GUK1: variants seen among roughly 807,000 people sequenced by gnomAD.
The protein encoded by GUK1 is guanylate kinase.
Under a neutral mutation model 25.2 loss-of-function variants are expected in GUK1, and 18 were observed. The observed-to-expected ratio is 0.71, with a 90% confidence interval of 0.49 to 1.06. The LOEUF is 1.06. Ranked by LOEUF, GUK1 falls within the 50% of genes least tolerant of loss-of-function variation. GUK1 has a pLI of 0.00. For synonymous variants in GUK1, 105 were observed against 117.6 expected (o/e 0.89, Z 0.69); for missense variants, 261 against 276.7 (o/e 0.94, Z 0.40).
At chr1:228,143,339 C>A (rs2313602) in intron 2 of GUK1, among the ~76,000 whole-genome samples, 83,987 of 151,998 alleles carry the variant, frequency 0.55, 23,652 homozygotes, top group South Asian at 0.68. Flanking sequence ...TGGGGTCCAG[C>A]CCACAGGACC....
At chr1:228,143,294 G>T (rs975795043) in intron 2 of GUK1, among the ~76,000 whole-genome samples, 2 of 152,202 alleles carry the variant, frequency 1.3e-5, no homozygotes, top group Non-Finnish European at 2.9e-5. Context: ...CTTAAGAAGG[G>T]CCAGCTCAGT....
At chr1:228,141,644 G>A (rs775455304) in intron 2 of GUK1, 1 of 1,206,168 alleles carries the variant, frequency 8.3e-7, no homozygotes, top group South Asian at 1.5e-5. Context: ...ATGGCTGGAA[G>A]CCAGAAGGAG....
intron 2 of GUK1, among the ~76,000 whole-genome samples, chr1:228,142,559 G>A (rs2034120247): frequency 6.6e-6 from 1 of 152,118 alleles, no homozygotes; most frequent in Admixed American, 6.5e-5. Flanking sequence ...CAACACCTGT[G>A]GAGGAAACAG....
At chr1:228,141,346 C>A in intron 2 of GUK1, 2 of 773,638 alleles carry the variant, frequency 2.6e-6, no homozygotes, top group Non-Finnish European at 3.1e-6. Flanking sequence ...AGCGCCCTGG[C>A]TGCTCCTGGT....
upstream of GUK1, chr1:228,140,208 G>A: frequency 1.0e-6 from 1 of 1,001,450 alleles, no homozygotes; most frequent in South Asian, 1.4e-5. Context: ...ACATGGGCGG[G>A]GCAGTCGCCT....
intron 3 of GUK1, 137 bp from the exon 3 acceptor site, chr1:228,145,889 T>C: frequency 1.3e-6 from 1 of 761,756 alleles, no homozygotes; most frequent in Non-Finnish European, 2.3e-6. Context: ...CCTTGTAGGC[T>C]CCTGCGCCTT....
intron 5 of GUK1, 81 bp from the exon 5 acceptor site, chr1:228,147,325 C>T (rs868359761): frequency 4.1e-5 from 56 of 1,382,494 alleles, no homozygotes; most frequent in East Asian, 7.0e-5. Flanking sequence ...ACGCTGGGCC[C>T]GGGAGGGCCT....
intron 5 of GUK1, 125 bp from the exon 5 acceptor site, chr1:228,147,281 C>T: frequency 1.1e-6 from 1 of 923,378 alleles, no homozygotes; most frequent in Non-Finnish European, 1.6e-6. Flanking sequence ...GGTGCTGGGT[C>T]CAGGCCAGGC....
intron 1 of GUK1, among the ~76,000 whole-genome samples, chr1:228,140,796 T>A (rs1432284606): frequency 1.3e-5 from 2 of 152,222 alleles, no homozygotes; most frequent in African/African-American, 4.8e-5. Flanking sequence ...GCTCCCAGGA[T>A]TCTGCCTACT....
In GUK1 at chr1:228,147,393, C is replaced by T; in HGVS notation, c.252-13C>T. On this transcript the variant is annotated splice_polypyrimidine_tract_variant and intron_variant, in intron 5 of 8. Coordinates refer to ENST00000312726, the MANE Select transcript of GUK1 (RefSeq NM_000858.7). ...AGCCCTGGCACCCCTGCTGACCTGG[C>T]ACCTCTCCCCAGCAAGGTGGCGGTG... 6.2e-7 allele frequency: 1 copy of T among 1,606,398 alleles called. No individual in the cohort carries two copies. The highest frequency in any genetic ancestry group is 1.7e-5 in the Admixed American group (1 of 59,902).
At chr1:228,148,334 G>T (rs1312575527) in intron 7 of GUK1, 37 bp from the exon 7 acceptor site, 10 of 1,447,186 alleles carry the variant, frequency 6.9e-6, no homozygotes, top group Non-Finnish European at 9.7e-6. Context: ...GGGGCTGCAT[G>T]GGCTCACTGT....
chr1:228,145,140 G>A (rs1016130052), intron 2 of GUK1: 1 of 160,600 alleles, frequency 6.2e-6, no homozygotes, highest in Non-Finnish European at 1.4e-5. Context: ...ACTCCACCAG[G>A]TGGGGACGGC....
At chr1:228,146,596 A>C in intron 4 of GUK1, 3 of 534,352 alleles carry the variant, frequency 5.6e-6, no homozygotes, top group African/African-American at 1.9e-5. Context: ...ACCAACTCCC[A>C]ACTCCCCACT....
chr1:228,147,286 C>A, intron 5 of GUK1, 120 bp from the exon 5 acceptor site: 1 of 977,570 alleles, frequency 1.0e-6, no homozygotes, highest in Non-Finnish European at 1.5e-6. Flanking sequence ...TGGGTCCAGG[C>A]CAGGCCTAGG....
intron 7 of GUK1, 66 bp from the exon 7 acceptor site, chr1:228,148,305 G>A (rs1207049499): frequency 1.2e-5 from 13 of 1,117,778 alleles, no homozygotes; most frequent in Non-Finnish European, 1.6e-5. Flanking sequence ...TGCTCTGGGG[G>A]TCGTGTGGGA....
intron 1 of GUK1, among the ~76,000 whole-genome samples, chr1:228,140,700 C>T (rs1489535061): frequency 6.6e-6 from 1 of 152,262 alleles, no homozygotes; most frequent in Non-Finnish European, 1.5e-5. Context: ...GAGTCCCTAC[C>T]GCTGGCCCGG....
intron 2 of GUK1, chr1:228,141,781 C>A: frequency 7.8e-7 from 1 of 1,273,984 alleles, no homozygotes; most frequent in Non-Finnish European, 1.0e-6. Flanking sequence ...CGGCGGCTCC[C>A]AGGAGACCTT....
At chr1:228,141,683 C>T in intron 2 of GUK1, 2 of 1,279,096 alleles carry the variant, frequency 1.6e-6, no homozygotes, top group South Asian at 1.3e-5. Flanking sequence ...CAGGGAGTGC[C>T]TTTCCAGGAA....
rs534460699 is a variant in GUK1 at position 228,146,235 on chromosome 1, C to T, written c.154+168C>T. Reference sequence around the variant, plus strand: ...GTGAACTCAATCAGGGTGTCAGCGCCACAGCGTGGTGTCGCCTTCCTTGGG... The same window carrying T: ...GTGAACTCAATCAGGGTGTCAGCGCTACAGCGTGGTGTCGCCTTCCTTGGG... On this transcript the variant is annotated intron_variant, in intron 4 of 8. Coordinates refer to ENST00000312726, the MANE Select transcript of GUK1 (RefSeq NM_000858.7). 4.5e-4 allele frequency: 273 copies of T among 602,932 alleles called. No individual in the cohort carries two copies. The African/African-American group carries it at 4.6e-3, about 10-fold the overall frequency. 37.3% of individuals were successfully genotyped at this position (602,932 alleles called of 1,614,324 possible). A position where few individuals can be genotyped will look rare whatever the true frequency, so the allele number is the denominator to read the frequency against.
Sources: gnomAD v4.1 joint callset for allele counts (sites outside exome capture counted in the v4.1 genomes callset) on GRCh38, gnomAD v4.1.1 for gene constraint, MANE v1.5 for transcripts, NCBI Gene and HGNC (gene_info 2026-07-23, HGNC 2026-07-21) for gene names.